Variants in DDR2 observed in about 807,000 individuals in gnomAD.
DDR2 encodes the protein discoidin domain-containing receptor 2.
A neutral mutation model predicts 94.9 loss-of-function variants in DDR2; 27 were observed. The observed-to-expected ratio is 0.28, with a 90% CI of 0.21 to 0.39. The LOEUF is 0.39. Among genes scored for constraint, DDR2 ranks in the 10% least tolerant of loss-of-function variants. The probability of loss-of-function intolerance (pLI) is 1.00; values close to 1 mark genes in which losing one functional copy is unlikely to be tolerated. For missense variants in DDR2, 783 were observed against 1,076.0 expected, an observed-to-expected ratio of 0.73 and a Z score of 3.81; for synonymous variants, 382 against 377.2, an observed-to-expected ratio of 1.01 and a Z score of -0.15.
At chr1:162,756,831 G>A (rs148568020) in intron 7 of DDR2, among the ~76,000 whole-genome samples, 7 of 152,048 alleles carry the variant, frequency 4.6e-5, no homozygotes, top group African/African-American at 7.2e-5. Flanking sequence ...GCATAATTTC[G>A]CTCAGTCACA....
chr1:162,745,111 G>A (rs1039939519), intron 3 of DDR2, among the ~76,000 whole-genome samples: 6 of 152,106 alleles, frequency 3.9e-5, no homozygotes, highest in African/African-American at 1.2e-4. Flanking sequence ...ACACCTTTTC[G>A]TGTAACTTGG....
chr1:162,658,721 G>A (rs1379392867), intron 2 of DDR2, among the ~76,000 whole-genome samples: 8 of 150,080 alleles, frequency 5.3e-5, no homozygotes. Context: ...CCAGCTACTG[G>A]GGAGGCTGAG....
At chr1:162,657,494 G>T (rs1006963951) in intron 2 of DDR2, among the ~76,000 whole-genome samples, 7 of 152,160 alleles carry the variant, frequency 4.6e-5, no homozygotes, top group Non-Finnish European at 1.0e-4. Flanking sequence ...GGAACATAAG[G>T]CATACTCTGG....
At chr1:162,697,242 TA>T (rs56881437) in intron 2 of DDR2, among the ~76,000 whole-genome samples, 2,837 of 151,392 alleles carry the variant, frequency 0.019, 79 homozygotes, top group African/African-American at 0.065. Flanking sequence ...TAGAGACACT[TA>T]AAAAAAAATA....
chr1:162,667,797 G>T (rs1467386523), intron 2 of DDR2, among the ~76,000 whole-genome samples: 2 of 152,200 alleles, frequency 1.3e-5, no homozygotes, highest in Non-Finnish European at 2.9e-5. Context: ...CTCAAGGGAA[G>T]TGTCTAGGGA....
intron 11 of DDR2, among the ~76,000 whole-genome samples, chr1:162,769,618 A>G (rs1199619048): frequency 6.6e-6 from 1 of 152,220 alleles, no homozygotes; most frequent in Non-Finnish European, 1.5e-5. Flanking sequence ...AAACCCAAAT[A>G]GTCACATACA....
intron 1 of DDR2, among the ~76,000 whole-genome samples, chr1:162,649,844 C>T (rs956432976): frequency 6.6e-6 from 1 of 152,222 alleles, no homozygotes; most frequent in African/African-American, 2.4e-5. Context: ...CCAATGGTCA[C>T]TTAATCCATC....
intron 2 of DDR2, among the ~76,000 whole-genome samples, chr1:162,693,914 A>C (rs1660067675): frequency 6.6e-6 from 1 of 152,166 alleles, no homozygotes; most frequent in Non-Finnish European, 1.5e-5. Flanking sequence ...GAATCAAATC[A>C]TGATCCATTT....
chr1:162,726,229 T>G (rs1047799927), intron 3 of DDR2, among the ~76,000 whole-genome samples: 7 of 152,242 alleles, frequency 4.6e-5, no homozygotes, highest in Middle Eastern at 3.2e-3. Context: ...ATGGCAGACT[T>G]CATTAGTCTT....
At chr1:162,665,356 C>A (rs937831689) in intron 2 of DDR2, among the ~76,000 whole-genome samples, 8 of 152,144 alleles carry the variant, frequency 5.3e-5, no homozygotes, top group Admixed American at 6.5e-5. Flanking sequence ...TGCCAACATT[C>A]CTTGCAGTGC....
intron 2 of DDR2, among the ~76,000 whole-genome samples, chr1:162,683,556 C>T (rs951297022): frequency 4.6e-5 from 7 of 152,034 alleles, no homozygotes; most frequent in Admixed American, 3.9e-4. Flanking sequence ...AACATGCTGA[C>T]ACCAGAATAA....
chr1:162,717,455 A>C (rs986318322), intron 2 of DDR2, among the ~76,000 whole-genome samples: 5 of 152,168 alleles, frequency 3.3e-5, no homozygotes, highest in African/African-American at 1.2e-4. Context: ...CATTTGTCAA[A>C]ATGTATGAAC....
rs1194025054 is a variant in DDR2, at chr1:162,782,931, G to A, written c.*2685G>A. 2.0e-5 allele frequency: 3 copies of A among 152,080 alleles called. No homozygotes were observed. The highest frequency in any genetic ancestry group is 2.9e-5 in the Non-Finnish European group (2 of 68,014). The allele number at this position is 152,080 out of a possible 1,614,324, so 9.4% of individuals were successfully genotyped here. On this transcript the variant is annotated 3_prime_UTR_variant, in exon 18 of 18. Transcript: ENST00000367921. Reference sequence around the variant, plus strand: ...CTGAGAACTTTGTATTACAGACACAGGTTTAGTTTCTAGCTTAGTCATGCC... The same window carrying A: ...CTGAGAACTTTGTATTACAGACACAAGTTTAGTTTCTAGCTTAGTCATGCC...
intron 3 of DDR2, among the ~76,000 whole-genome samples, chr1:162,720,892 G>A (rs996633455): frequency 1.3e-5 from 2 of 152,108 alleles, no homozygotes; most frequent in Non-Finnish European, 2.9e-5. Flanking sequence ...AAAGTTCCAT[G>A]TGCATGGGTT....
chr1:162,779,520 C>CTT (rs1230723631), intron 17 of DDR2, among the ~76,000 whole-genome samples: 4 of 151,970 alleles, frequency 2.6e-5, no homozygotes, highest in African/African-American at 7.2e-5. Context: ...TCCAAGCAAG[C>CTT]CAAAGATAGA....
chr1:162,664,168 A>T (rs1361062930), intron 2 of DDR2, among the ~76,000 whole-genome samples: 1 of 152,132 alleles, frequency 6.6e-6, no homozygotes, highest in Admixed American at 6.6e-5. Context: ...TTTTATGAAG[A>T]CTTTTTTTGC....
chr1:162,775,891 C>T (rs749129325), intron 15 of DDR2, 48 bp downstream of exon 15: 2 of 1,608,496 alleles, frequency 1.2e-6, no homozygotes, highest in South Asian at 2.2e-5. Flanking sequence ...ATGAGAGTAA[C>T]CTGGGATCTG....
In DDR2 at chr1:162,782,507, A is replaced by G. The variant is rs1027452010; in HGVS notation, c.*2261A>G. 2 of 152,100 alleles carry G rather than the reference A, an allele frequency of 1.3e-5. No individual in the cohort carries two copies. The highest frequency in any genetic ancestry group is 4.8e-5 in the African/African-American group (2 of 41,406). The allele number at this position is 152,100 out of a possible 1,614,324, so 9.4% of individuals were successfully genotyped here. ...GACTAGATACCTTGGGACCTGCCAC[A>G]CTCCACTTTCAAGATATGTATTAGC... On this transcript the variant is annotated 3_prime_UTR_variant, in exon 18 of 18. Transcript: ENST00000367921.
intron 2 of DDR2, among the ~76,000 whole-genome samples, chr1:162,678,806 C>T (rs1173051615): frequency 6.6e-6 from 1 of 152,222 alleles, no homozygotes; most frequent in Non-Finnish European, 1.5e-5. Flanking sequence ...TGCCCAGCCA[C>T]TGAACTCCAG....
Sources: gnomAD v4.1 joint callset for allele counts (sites outside exome capture counted in the v4.1 genomes callset) on GRCh38, gnomAD v4.1.1 for gene constraint, MANE v1.5 for transcripts, NCBI Gene and HGNC (gene_info 2026-07-23, HGNC 2026-07-21) for gene names.